Variants in NBAS observed in about 807,000 individuals in gnomAD.
NBAS encodes the protein NBAS subunit of NRZ tethering complex.
A neutral mutation model predicts 302.5 loss-of-function variants in NBAS; 219 were observed. That is an observed-to-expected ratio of 0.72 (90% CI 0.65 to 0.81). The LOEUF is 0.81. Among genes scored for constraint, NBAS ranks in the 30% least tolerant of loss-of-function variants. The pLI is 0.00. For synonymous variants in NBAS, 1,118 were observed against 1,021.6 expected, an observed-to-expected ratio of 1.09 and a Z score of -1.80; for missense variants, 2,932 against 2,841.6, an observed-to-expected ratio of 1.03 and a Z score of -0.72.
chr2:14,787,169 G>C, the NBAS span, among the ~76,000 whole-genome samples: 2 of 151,944 alleles, frequency 1.3e-5, no homozygotes, highest in Admixed American at 1.3e-4. Flanking sequence ...TTTTCCATTT[G>C]CTTGGTAGAT....
chr2:15,196,875 C>T (rs189330102), intron 48 of NBAS, among the ~76,000 whole-genome samples: 1 of 152,162 alleles, frequency 6.6e-6, no homozygotes, highest in African/African-American at 2.4e-5. Context: ...AGGAAATTGG[C>T]ATGCCTGTTT....
At chr2:14,924,058 C>T in the NBAS span, among the ~76,000 whole-genome samples, 1 of 152,184 alleles carries the variant, frequency 6.6e-6, no homozygotes, top group African/African-American at 2.4e-5. Context: ...GAATCTCACA[C>T]AGAATACATC....
chr2:14,963,449 C>T, the NBAS span, among the ~76,000 whole-genome samples: 3 of 152,170 alleles, frequency 2.0e-5, no homozygotes, highest in South Asian at 4.1e-4. Flanking sequence ...TTATAGAAAT[C>T]ATTTGCCAAC....
chr2:15,468,062 C>G (rs577119024), intron 17 of NBAS, among the ~76,000 whole-genome samples: 1 of 152,158 alleles, frequency 6.6e-6, no homozygotes, highest in South Asian at 2.1e-4. Flanking sequence ...TGTGGGGTTA[C>G]ATTCACTCAA....
chr2:14,837,417 C>T, the NBAS span, among the ~76,000 whole-genome samples: 1 of 151,886 alleles, frequency 6.6e-6, no homozygotes, highest in African/African-American at 2.4e-5. Context: ...TCTGATTTTG[C>T]TATCCAGGTT....
intron 11 of NBAS, 50 bp from the exon 12 acceptor site, chr2:15,489,072 A>G: frequency 6.3e-7 from 1 of 1,599,078 alleles, no homozygotes; most frequent in Non-Finnish European, 8.6e-7. Context: ...TCAAATGTAA[A>G]TAACTCAGAA....
intron 21 of NBAS, 71 bp from the exon 22 acceptor site, chr2:15,427,865 A>C (rs1677557359): frequency 8.9e-7 from 1 of 1,126,986 alleles, no homozygotes; most frequent in African/African-American, 1.5e-5. Context: ...AAGGAGTAAA[A>C]TGCAAACAGC....
chr2:15,062,729 A>G, the NBAS span, among the ~76,000 whole-genome samples: 1 of 152,244 alleles, frequency 6.6e-6, no homozygotes, highest in African/African-American at 2.4e-5. Context: ...TTCATGGTTT[A>G]CAAAGGACAT....
intron 50 of NBAS, among the ~76,000 whole-genome samples, chr2:15,180,535 C>G (rs1334481648): frequency 6.6e-6 from 1 of 152,238 alleles, no homozygotes; most frequent in Non-Finnish European, 1.5e-5. Flanking sequence ...AGCTCCTGAG[C>G]ATGGCACTCT....
the NBAS span, among the ~76,000 whole-genome samples, chr2:15,014,247 A>T: frequency 6.6e-6 from 1 of 152,160 alleles, no homozygotes; most frequent in African/African-American, 2.4e-5. Flanking sequence ...CTGGACAGAA[A>T]ATCAACAAAG....
intron 28 of NBAS, among the ~76,000 whole-genome samples, chr2:15,389,219 G>A (rs569743299): frequency 2.6e-5 from 4 of 152,298 alleles, no homozygotes; most frequent in African/African-American, 9.6e-5. Flanking sequence ...CAGCAATACT[G>A]AGCCCTAGTC....
the NBAS span, among the ~76,000 whole-genome samples, chr2:14,854,475 A>T: frequency 4.6e-5 from 7 of 151,980 alleles, no homozygotes; most frequent in African/African-American, 1.7e-4. Flanking sequence ...ACCAAATATC[A>T]GGTGAGCACT....
chr2:14,809,961 T>G, the NBAS span, among the ~76,000 whole-genome samples: 367 of 152,356 alleles, frequency 2.4e-3, no homozygotes, highest in African/African-American at 8.1e-3. Context: ...TGCCCCGCTG[T>G]ATTTTGGACT....
chr2:15,290,466 A>G (rs1355434825), intron 41 of NBAS, among the ~76,000 whole-genome samples: 1 of 152,356 alleles, frequency 6.6e-6, no homozygotes, highest in East Asian at 1.9e-4. Flanking sequence ...CAAAGAAAAT[A>G]AAGGCCAAAA....
the NBAS span, among the ~76,000 whole-genome samples, chr2:14,931,657 A>T: frequency 5.3e-5 from 8 of 152,304 alleles, no homozygotes; most frequent in African/African-American, 1.9e-4. Flanking sequence ...TGAGGTGGAA[A>T]ATCTGAGTAC....
intron 21 of NBAS, among the ~76,000 whole-genome samples, chr2:15,440,736 G>A (rs970229205): frequency 2.7e-5 from 4 of 149,896 alleles, no homozygotes; most frequent in Non-Finnish European, 5.9e-5. Flanking sequence ...CAAACCAAAG[G>A]CAAAGAATTT....
chr2:15,280,662 C>T (rs1669783877), intron 42 of NBAS, among the ~76,000 whole-genome samples: 1 of 152,152 alleles, frequency 6.6e-6, no homozygotes, highest in Non-Finnish European at 1.5e-5. Flanking sequence ...GATATTTTCA[C>T]GTTGAAATTT....
At chr2:14,954,811 C>T in the NBAS span, among the ~76,000 whole-genome samples, 2 of 152,152 alleles carry the variant, frequency 1.3e-5, no homozygotes, top group African/African-American at 4.8e-5. Context: ...CAGTTATCTC[C>T]ACCTGGTCCT....
chr2:15,389,526 A>T (rs1186992821), intron 28 of NBAS, among the ~76,000 whole-genome samples: 1 of 152,224 alleles, frequency 6.6e-6, no homozygotes, highest in Non-Finnish European at 1.5e-5. Flanking sequence ...CCAGAACCCA[A>T]GTCATCTGAT....
Sources: allele counts gnomAD v4.1 joint callset (sites outside exome capture counted in the v4.1 genomes callset), GRCh38; gene constraint gnomAD v4.1.1; transcripts MANE v1.5; gene names NCBI Gene and HGNC (gene_info 2026-07-23, HGNC 2026-07-21).